The following LDLRAD4 variants were observed in gnomAD, a reference collection of about 807,000 sequenced individuals.
The protein encoded by LDLRAD4 is low-density lipoprotein receptor class A domain-containing protein 4.
In LDLRAD4, 5 loss-of-function variants were observed where a neutral mutation model predicts 17.0. The observed-to-expected ratio is 0.29, with a 90% CI of 0.15 to 0.62. The LOEUF is 0.62. LDLRAD4 is among the 20% of genes least tolerant of loss of function. The probability of loss-of-function intolerance (pLI) is 0.84; values close to 1 mark genes in which losing one functional copy is unlikely to be tolerated. For missense variants in LDLRAD4, 340 were observed against 424.7 expected (o/e 0.80, Z 1.75); for synonymous variants, 168 against 171.8 (o/e 0.98, Z 0.17).
chr18:13,345,075 C>A (rs983307230), intron 1 of LDLRAD4, among the ~76,000 whole-genome samples: 10 of 152,178 alleles, frequency 6.6e-5, no homozygotes, highest in South Asian at 2.1e-4. Flanking sequence ...CCCTTTATTT[C>A]TTTCTCCTGC....
intron 3 of LDLRAD4, among the ~76,000 whole-genome samples, chr18:13,506,236 T>G (rs1235257457): frequency 2.6e-5 from 4 of 151,976 alleles, no homozygotes; most frequent in Non-Finnish European, 5.9e-5. Flanking sequence ...TTTTTATTAT[T>G]ATACTTTAAG....
chr18:13,388,210 G>T (rs1228943449), intron 2 of LDLRAD4, among the ~76,000 whole-genome samples: 1 of 152,198 alleles, frequency 6.6e-6, no homozygotes, highest in African/African-American at 2.4e-5. Context: ...TGGGGCAACT[G>T]GGCAGAACTC....
chr18:13,459,845 G>A (rs79318448), intron 3 of LDLRAD4: 4 of 153,876 alleles, frequency 2.6e-5, no homozygotes, highest in South Asian at 2.0e-4. Context: ...TAAGGAGCAC[G>A]TGCAGGATAT....
chr18:13,544,871 A>G (rs907374907), intron 3 of LDLRAD4, among the ~76,000 whole-genome samples: 1 of 139,548 alleles, frequency 7.2e-6, no homozygotes, highest in Non-Finnish European at 1.5e-5. Context: ...ACGTCATGGC[A>G]GGTGATGGTT....
chr18:13,318,926 C>T (rs2081075206), intron 1 of LDLRAD4, among the ~76,000 whole-genome samples: 1 of 152,188 alleles, frequency 6.6e-6, no homozygotes, highest in Non-Finnish European at 1.5e-5. Context: ...CCTAGTGACT[C>T]GCTGTCCCCT....
rs190513231 is a variant in LDLRAD4, at chr18:13,318,448, G to A, written c.-383+40260G>A. Among the ~76,000 whole-genome samples the A allele has an allele frequency of 1.7e-3, 255 of 152,234 alleles. 2 individuals are homozygous for A. Among genetic ancestry groups the A allele is most frequent in the African/African-American group, 5.9e-3 (246 of 41,534 alleles). On this transcript the variant is annotated intron_variant, in intron 1 of 5. Transcript: ENST00000359446. ...GGCTAATTTTTGTATTTTTAGTAGA[G>A]ACGGGGTTTTACCATACTGGTCAGG... is the stretch of plus-strand genomic sequence containing the variant.
chr18:13,575,766 C>CT (rs2094760432), intron 3 of LDLRAD4, among the ~76,000 whole-genome samples: 1 of 152,212 alleles, frequency 6.6e-6, no homozygotes, highest in Non-Finnish European at 1.5e-5. Flanking sequence ...TAAGGCCATT[C>CT]TTGCGGAGTA....
intron 1 of LDLRAD4, among the ~76,000 whole-genome samples, chr18:13,325,905 A>G (rs984697089): frequency 6.6e-6 from 1 of 151,784 alleles, no homozygotes. Flanking sequence ...GGTGCCCGCC[A>G]CCGTGCCTGC....
intron 3 of LDLRAD4, among the ~76,000 whole-genome samples, chr18:13,597,903 T>C (rs2095114791): frequency 6.6e-6 from 1 of 152,280 alleles, no homozygotes; most frequent in African/African-American, 2.4e-5. Flanking sequence ...TGATATTCTC[T>C]GTTTGATGCA....
At chr18:13,318,872 C>T (rs2081071260) in intron 1 of LDLRAD4, among the ~76,000 whole-genome samples, 1 of 152,274 alleles carries the variant, frequency 6.6e-6, no homozygotes, top group Admixed American at 6.5e-5. Context: ...TCTTACTTTA[C>T]ACTGAGTCAT....
At chr18:13,541,605 C>T (rs1041834201) in intron 3 of LDLRAD4, among the ~76,000 whole-genome samples, 4 of 152,142 alleles carry the variant, frequency 2.6e-5, no homozygotes, top group Non-Finnish European at 5.9e-5. Flanking sequence ...GCACTCTGCA[C>T]GTTTCTACTA....
chr18:13,600,941 A>G (rs140690533), intron 3 of LDLRAD4, among the ~76,000 whole-genome samples: 2,507 of 152,324 alleles, frequency 0.016, 33 homozygotes, highest in Non-Finnish European at 0.025. Context: ...TATGTTGAGA[A>G]TAACAGACTT....
At chr18:13,392,752 G>A (rs925759462) in intron 2 of LDLRAD4, among the ~76,000 whole-genome samples, 10 of 152,152 alleles carry the variant, frequency 6.6e-5, no homozygotes, top group Non-Finnish European at 1.5e-4. Flanking sequence ...TTATTTTAAT[G>A]TTAGAGAAAA....
intron 1 of LDLRAD4, among the ~76,000 whole-genome samples, chr18:13,368,826 AG>A (rs1157446814): frequency 6.6e-6 from 1 of 152,208 alleles, no homozygotes; most frequent in Non-Finnish European, 1.5e-5. Flanking sequence ...GCACTCTGAT[AG>A]GTTTCAAGTC....
intron 1 of LDLRAD4, among the ~76,000 whole-genome samples, chr18:13,354,678 A>G (rs1293969522): frequency 1.3e-5 from 2 of 152,226 alleles, no homozygotes; most frequent in African/African-American, 4.8e-5. Context: ...GACATTATTT[A>G]GCTGGGGTTC....
At chr18:13,606,230 T>C (rs1268822227) in intron 3 of LDLRAD4, among the ~76,000 whole-genome samples, 1 of 152,208 alleles carries the variant, frequency 6.6e-6, no homozygotes, top group Non-Finnish European at 1.5e-5. Flanking sequence ...GAAGGGTAGC[T>C]GCAATTTCAG....
At chr18:13,353,844 T>C (rs1353889434) in intron 1 of LDLRAD4, among the ~76,000 whole-genome samples, 1 of 152,224 alleles carries the variant, frequency 6.6e-6, no homozygotes, top group African/African-American at 2.4e-5. Context: ...CAGTAGGCAT[T>C]TGCTTAATGA....
At chr18:13,563,310 T>C (rs1167606987) in intron 3 of LDLRAD4, among the ~76,000 whole-genome samples, 3 of 152,178 alleles carry the variant, frequency 2.0e-5, no homozygotes, top group Non-Finnish European at 4.4e-5. Context: ...TAATTGTGGA[T>C]GGATGGTAGG....
intron 1 of LDLRAD4, among the ~76,000 whole-genome samples, chr18:13,250,272 T>G (rs777601632): frequency 6.6e-6 from 1 of 152,250 alleles, no homozygotes; most frequent in Non-Finnish European, 1.5e-5. Flanking sequence ...TTTTGTTCTT[T>G]TTGCTCAGGA....
Sources: gnomAD v4.1 joint callset for allele counts (sites outside exome capture counted in the v4.1 genomes callset) on GRCh38, gnomAD v4.1.1 for gene constraint, MANE v1.5 for transcripts, NCBI Gene and HGNC (gene_info 2026-07-23, HGNC 2026-07-21) for gene names.